HLCS: variants seen among roughly 807,000 people sequenced by gnomAD.
HLCS encodes biotin--protein ligase.
In HLCS, 53 loss-of-function variants were observed where a neutral mutation model predicts 75.0. The observed-to-expected ratio is 0.71, with a 90% CI of 0.57 to 0.89. The LOEUF is 0.89. Ranked by LOEUF, HLCS falls within the 40% of genes least tolerant of loss-of-function variation. The probability of loss-of-function intolerance (pLI) is 0.00; values close to 1 mark genes in which losing one functional copy is unlikely to be tolerated. For missense variants in HLCS, 966 were observed against 1,074.0 expected, an observed-to-expected ratio of 0.90 and a Z score of 1.41; for synonymous variants, 431 against 428.6, an observed-to-expected ratio of 1.01 and a Z score of -0.07.
intron 6 of HLCS, among the ~76,000 whole-genome samples, chr21:36,854,154 C>T (rs575801286): frequency 2.6e-5 from 4 of 152,194 alleles, no homozygotes; most frequent in South Asian, 2.1e-4. Context: ...ACTCTTTGAA[C>T]GTCAATATTT....
rs368011181 is a variant in HLCS, at chr21:36,836,456, T to TC, written c.1892+60403dup. ...TAGGTATATCTCCCAATGCTATCCC[T>TC]CCCCCCTCCCCCCACCCCACAACAG... On this transcript the variant is annotated intron_variant, in intron 6 of 10. Coordinates refer to ENST00000674895, the MANE Select transcript of HLCS (RefSeq NM_001352514.2). Among the ~76,000 whole-genome samples the TC allele has an allele frequency of 1.5e-3, 118 of 76,780 alleles. 2 individuals are homozygous for TC. The highest frequency in any genetic ancestry group is 6.0e-3 in the African/African-American group (113 of 18,764). 50.4% of individuals were successfully genotyped at this position (76,780 alleles called of 152,430 possible).
intron 6 of HLCS, among the ~76,000 whole-genome samples, chr21:36,889,708 C>T (rs898885025): frequency 2.0e-5 from 3 of 152,134 alleles, no homozygotes; most frequent in South Asian, 2.1e-4. Context: ...GCCTGGAACA[C>T]GGAGAAGTTC....
At position 36,911,606 on chromosome 21, in the gene HLCS, G is replaced by A. The variant is rs1601714710; in HGVS notation, c.1621-14475C>T. ...AAAAATACAAAAAAAAAAATTAACC[G>A]GGTGTTGTGGCAGGTGCCTGTAGTC... On this transcript the variant is annotated intron_variant, in intron 5 of 10. Coordinates refer to ENST00000674895, the MANE Select transcript of HLCS (RefSeq NM_001352514.2). Among the ~76,000 whole-genome samples the A allele has an allele frequency of 2.6e-5, 4 of 152,024 alleles. No homozygotes were observed. In the East Asian group the frequency reaches 5.8e-4, roughly 22 times the overall value.
At chr21:36,964,500 C>A (rs534479451) in intron 1 of HLCS, among the ~76,000 whole-genome samples, 2 of 152,250 alleles carry the variant, frequency 1.3e-5, no homozygotes, top group East Asian at 1.9e-4. Context: ...GAAAAAGATA[C>A]GAACTAGAAT....
chr21:36,917,234 T>C (rs753415300), intron 5 of HLCS, among the ~76,000 whole-genome samples: 13 of 152,198 alleles, frequency 8.5e-5, no homozygotes, highest in Non-Finnish European at 1.6e-4. Context: ...GAAACAGCCT[T>C]CATAAAGAAT....
At chr21:36,984,933 G>C (rs976354608) in intron 1 of HLCS, among the ~76,000 whole-genome samples, 1 of 149,736 alleles carries the variant, frequency 6.7e-6, no homozygotes, top group African/African-American at 2.5e-5. Context: ...CTGAAACCTT[G>C]GAAAGCAACA....
chr21:36,846,582 CA>C (rs902369521), intron 6 of HLCS, among the ~76,000 whole-genome samples: 3 of 151,880 alleles, frequency 2.0e-5, no homozygotes, highest in African/African-American at 7.3e-5. Context: ...AATGAAACTA[CA>C]AAAAAATTCT....
At chr21:36,986,481 C>T (rs774436783) in intron 1 of HLCS, among the ~76,000 whole-genome samples, 3 of 152,178 alleles carry the variant, frequency 2.0e-5, no homozygotes, top group Admixed American at 6.5e-5. Context: ...TGCAATGGTG[C>T]GATCTCAGCT....
intron 2 of HLCS, among the ~76,000 whole-genome samples, chr21:36,955,927 G>A (rs1340483671): frequency 6.6e-6 from 1 of 152,120 alleles, no homozygotes; most frequent in Non-Finnish European, 1.5e-5. Flanking sequence ...GCTGCCTACA[G>A]TATCCAATGC....
chr21:36,803,104 G>A (rs892653246), intron 6 of HLCS, among the ~76,000 whole-genome samples: 1 of 152,222 alleles, frequency 6.6e-6, no homozygotes, highest in African/African-American at 2.4e-5. Context: ...ACAACCGGGT[G>A]GATGGAGTTT....
rs1379269472 is a variant in HLCS, at chr21:36,936,988, T to C, written c.898A>G (p.Arg300Gly). The change falls in exon 4 of 11, where the codon AGG becomes GGG. Residue 300 changes from arginine to glycine, a missense_variant. Transcript: ENST00000674895. ...GCCTTTCCCGTGAGGTTGACTCTCC[T>C]CCCTTCTCTTTCGGGGGAGGTCTCA... is the stretch of plus-strand genomic sequence containing the variant. Reference protein sequence around the residue: ...ADETSPEREGRRVNLTGKAPN... With the variant: ...ADETSPEREGGRVNLTGKAPN... 3.1e-6 allele frequency: 5 copies of C among 1,614,072 alleles called. No homozygotes were observed. In the African/African-American group the frequency reaches 5.3e-5, roughly 17 times the overall value.
intron 6 of HLCS, among the ~76,000 whole-genome samples, chr21:36,883,862 A>G (rs1376007049): frequency 6.6e-6 from 1 of 152,214 alleles, no homozygotes. Context: ...AAATGCACTC[A>G]GACACAAGAA....
rs2065042149 is a variant in HLCS, at chr21:36,897,062, G to A, written c.1690C>T (p.Gln564Ter). The change falls in exon 6 of 11, where the codon CAG becomes TAG. Residue 564 changes from glutamine to a stop codon, truncating the protein, a stop_gained. Transcript: ENST00000674895. LOFTEE classifies it high-confidence loss of function. ...VDSEGEIKSG[Q>*]LSLRFVSSYV... ...GATGAAACAAATCTAAGAGAGAGCT[G>A]GCCGGATTTTATTTCTCCCTCGGAG... is the stretch of plus-strand genomic sequence containing the variant. 6.2e-7 allele frequency: 1 copy of A among 1,614,002 alleles called. No individual in the cohort carries two copies. Among genetic ancestry groups the A allele is most frequent in the African/African-American group, 1.3e-5 (1 of 74,916 alleles).
rs768033753 is a variant in HLCS, at chr21:36,818,877, G to A, written c.1893-51592C>T. Among the ~76,000 whole-genome samples, 21 of 152,280 alleles carry A rather than the reference G, an allele frequency of 1.4e-4. No homozygotes were observed. The South Asian group carries it at 2.3e-3, about 17-fold the overall frequency. The stretch of plus-strand genomic sequence containing the variant: ...CGAAAATCTGAAACCATCTCCAGAA[G>A]ACAGTTCATAGCGGTGGGCCTAATA... On this transcript the variant is annotated intron_variant, in intron 6 of 10. Transcript: ENST00000674895.
At chr21:36,912,592 G>A (rs35822038) in intron 5 of HLCS, among the ~76,000 whole-genome samples, 12,985 of 152,166 alleles carry the variant, frequency 0.085, 856 homozygotes, top group African/African-American at 0.17. Flanking sequence ...GTAAAATAGT[G>A]TGGGTGTAAT....
intron 6 of HLCS, among the ~76,000 whole-genome samples, chr21:36,768,239 G>A (rs1482355675): frequency 6.6e-6 from 1 of 152,172 alleles, no homozygotes; most frequent in Non-Finnish European, 1.5e-5. Flanking sequence ...TTTCTTGGAA[G>A]GAGGGGAGCA....
In HLCS at chr21:36,936,958, TG is replaced by T. The variant is rs1252966441; in HGVS notation, c.927del (p.Asn310ThrfsTer95). On this transcript the variant is annotated frameshift_variant, in exon 4 of 11. Transcript: ENST00000674895. LOFTEE classifies it high-confidence loss of function. The stretch of plus-strand genomic sequence containing the variant: ...TCGGAGCCCACATAGAGGAGGATGT[TG>T]GGTGCCTTTCCCGTGAGGTTGACTC... ...GRRVNLTGKA[P>X]NILLYVGSDS... 6.2e-7 allele frequency: 1 copy of T among 1,614,138 alleles called. No individual in the cohort carries two copies. Among genetic ancestry groups the T allele is most frequent in the Non-Finnish European group, 8.5e-7 (1 of 1,180,016 alleles).
intron 6 of HLCS, among the ~76,000 whole-genome samples, chr21:36,820,464 C>T (rs1281213737): frequency 6.6e-6 from 1 of 152,244 alleles, no homozygotes; most frequent in Non-Finnish European, 1.5e-5. Context: ...GCTGCAGGGC[C>T]TGTCCCTGCT....
chr21:36,783,000 A>G (rs1211700860), intron 6 of HLCS, among the ~76,000 whole-genome samples: 2 of 152,026 alleles, frequency 1.3e-5, no homozygotes, highest in Non-Finnish European at 2.9e-5. Context: ...AACCAAAACA[A>G]AGAAAACCTC....
Sources: allele counts gnomAD v4.1 joint callset (sites outside exome capture counted in the v4.1 genomes callset), GRCh38; gene constraint gnomAD v4.1.1; transcripts MANE v1.5; gene names NCBI Gene and HGNC (gene_info 2026-07-23, HGNC 2026-07-21).